Variants in RHOBTB2 observed in about 807,000 individuals in gnomAD.
RHOBTB2 encodes Rho related BTB domain containing 2, also known as rho-related BTB domain-containing protein 2.
RHOBTB2 carries 39 observed loss-of-function variants against 66.5 expected under a neutral mutation model. The observed-to-expected ratio is 0.59, with a 90% confidence interval of 0.45 to 0.77. RHOBTB2 has a LOEUF of 0.77. Among genes scored for constraint, RHOBTB2 ranks in the 30% least tolerant of loss-of-function variants. RHOBTB2 has a pLI of 0.00. For missense variants in RHOBTB2, 755 were observed against 999.1 expected, an observed-to-expected ratio of 0.76 and a Z score of 3.29; for synonymous variants, 390 against 395.0, an observed-to-expected ratio of 0.99 and a Z score of 0.15.
At chr8:23,014,633 C>T (rs2128807715) in intron 7 of RHOBTB2, 57 bp from the exon 8 acceptor site, 1 of 1,478,242 alleles carries the variant, frequency 6.8e-7, no homozygotes, top group East Asian at 2.3e-5. Flanking sequence ...TGTGGTGGGG[C>T]AGGGTGAGCA....
At chr8:23,015,776 C>G in intron 9 of RHOBTB2, 33 bp downstream of exon 9, 1 of 1,440,860 alleles carries the variant, frequency 6.9e-7, no homozygotes, top group Non-Finnish European at 9.7e-7. Flanking sequence ...GCAGTACCTG[C>G]TGCCCTCCCC....
At chr8:22,987,013 G>A (rs1810300683), upstream of RHOBTB2, among the ~76,000 whole-genome samples, 1 of 152,226 alleles carries the variant, frequency 6.6e-6, no homozygotes, top group Non-Finnish European at 1.5e-5. Flanking sequence ...CACCTTCCAT[G>A]GCCTCTAGCT....
At chr8:22,971,983 C>G in the RHOBTB2 span, among the ~76,000 whole-genome samples, 1 of 152,152 alleles carries the variant, frequency 6.6e-6, no homozygotes, top group Non-Finnish European at 1.5e-5. Context: ...TGTCTCAGGC[C>G]CCTTGCACTT....
intron 1 of RHOBTB2, 118 bp downstream of exon 1, chr8:23,000,223 C>A: frequency 3.0e-6 from 2 of 665,560 alleles, no homozygotes; most frequent in Non-Finnish European, 1.9e-6. Context: ...CCGCTAGTCC[C>A]TGGGCTCTGG....
At chr8:23,002,498 C>T (rs1810813191) in intron 1 of RHOBTB2, among the ~76,000 whole-genome samples, 1 of 152,162 alleles carries the variant, frequency 6.6e-6, no homozygotes, top group African/African-American at 2.4e-5. Context: ...TTAAGACCAG[C>T]CTGACCAACA....
At chr8:22,996,185 A>AG (rs2128798944), upstream of RHOBTB2, among the ~76,000 whole-genome samples, 1 of 152,040 alleles carries the variant, frequency 6.6e-6, no homozygotes, top group Non-Finnish European at 1.5e-5. Context: ...GGAGGCATAG[A>AG]GGGGGTGCCT....
rs767914358 is a variant in RHOBTB2, at chr8:23,019,269, G to C, written c.*1800G>C. Reference sequence around the variant, plus strand: ...CAGAGGTTAAATCCTCATCAAGAGAGACCAGGCGGCTGGAGGACAAGCGGC... The same window carrying C: ...CAGAGGTTAAATCCTCATCAAGAGACACCAGGCGGCTGGAGGACAAGCGGC... On this transcript the variant is annotated 3_prime_UTR_variant, in exon 10 of 10. Coordinates refer to ENST00000251822, the MANE Select transcript of RHOBTB2 (RefSeq NM_015178.3). 1 of 152,636 alleles carries C rather than the reference G, an allele frequency of 6.6e-6. No individual in the cohort carries two copies. The highest frequency in any genetic ancestry group is 1.5e-5 in the Non-Finnish European group (1 of 68,354). 9.5% of individuals were successfully genotyped at this position (152,636 alleles called of 1,614,324 possible).
chr8:23,012,306 C>T (rs1040754463), intron 7 of RHOBTB2, among the ~76,000 whole-genome samples: 14 of 152,222 alleles, frequency 9.2e-5, no homozygotes, highest in African/African-American at 3.1e-4. Flanking sequence ...GAAGCACACA[C>T]AGGCAGTTTT....
chr8:23,017,195 A>G lies in RHOBTB2; in HGVS notation c.1967-57A>G. The G allele has an allele frequency of 6.2e-7, 1 of 1,600,008 alleles. No individual in the cohort carries two copies. Among genetic ancestry groups the G allele is most frequent in the Non-Finnish European group, 8.5e-7 (1 of 1,172,130 alleles). ...TGTGGTGGGGTAGGGCTGGTGTCCC[A>G]CGTTCCTCTTGTCCCTCTGCCTCCT... On this transcript the variant is annotated intron_variant, in intron 9 of 9. Coordinates refer to ENST00000251822, the MANE Select transcript of RHOBTB2 (RefSeq NM_015178.3). The surrounding 1 kb of genome is among the most constrained non-coding windows in gnomAD (Gnocchi z 5.3).
intron 7 of RHOBTB2, 68 bp downstream of exon 7, chr8:23,010,756 C>T: frequency 2.0e-6 from 3 of 1,535,186 alleles, no homozygotes; most frequent in Admixed American, 1.7e-5. Flanking sequence ...GTGCAATGTT[C>T]TCCTCTCACG....
chr8:22,996,640 C>T (rs75966518), upstream of RHOBTB2, among the ~76,000 whole-genome samples: 861 of 149,944 alleles, frequency 5.7e-3, 19 homozygotes, highest in African/African-American at 0.021. Flanking sequence ...TGTCTCCCAC[C>T]CAGGCCTGCC....
rs114883013 is a variant in RHOBTB2 at position 23,007,244 on chromosome 8, C to T, written c.999C>T (p.His333=). 1,496 of 1,611,340 alleles carry T rather than the reference C, an allele frequency of 9.3e-4. 17 individuals are homozygous for T. The African/African-American group carries it at 0.018, about 19-fold the overall frequency. The change falls in exon 5 of 10, where the codon CAC becomes CAT. Residue 333 remains histidine (H), a synonymous_variant. Transcript: ENST00000251822. ...SDQHHHHHHH[H]HGRDFLLRAA... The stretch of plus-strand genomic sequence containing the variant: ...AACACCACCACCATCACCACCACCA[C>T]CATGGGCGAGACTTCCTGCTCCGAG...
chr8:22,997,060 T>A (rs1322608843), upstream of RHOBTB2, among the ~76,000 whole-genome samples: 1 of 152,070 alleles, frequency 6.6e-6, no homozygotes, highest in South Asian at 2.1e-4. Flanking sequence ...CTGCCCCTCA[T>A]ACAGCGTGGG....
At chr8:23,015,568 G>A in intron 8 of RHOBTB2, 70 bp from the exon 9 acceptor site, 1 of 1,077,042 alleles carries the variant, frequency 9.3e-7, no homozygotes. Context: ...TCTGAAGGCA[G>A]CTGGAGGTGT....
At chr8:22,957,276 G>A in the RHOBTB2 span, among the ~76,000 whole-genome samples, 7 of 152,056 alleles carry the variant, frequency 4.6e-5, no homozygotes, top group African/African-American at 1.7e-4. Context: ...GGTTAAGGTG[G>A]TGTCTTCCAG....
upstream of RHOBTB2, among the ~76,000 whole-genome samples, chr8:22,994,893 G>T (rs573292717): frequency 6.6e-6 from 1 of 152,130 alleles, no homozygotes; most frequent in Non-Finnish European, 1.5e-5. Context: ...AGCCTCCCGA[G>T]TAGCTGGGAT....
the RHOBTB2 span, among the ~76,000 whole-genome samples, chr8:22,955,313 C>T: frequency 1.3e-5 from 2 of 152,126 alleles, no homozygotes; most frequent in African/African-American, 4.8e-5. Flanking sequence ...ACTGCAGTAG[C>T]CCCTGCACCG....
the RHOBTB2 span, among the ~76,000 whole-genome samples, chr8:22,975,450 G>A: frequency 6.6e-6 from 1 of 152,330 alleles, no homozygotes; most frequent in Admixed American, 6.5e-5. Context: ...GTGGAGAGGT[G>A]AGGCCCTTGG....
In RHOBTB2 at chr8:23,018,385, G is replaced by A. The variant is rs58805101; in HGVS notation, c.*916G>A. 2,094 of 152,590 alleles carry A rather than the reference G, an allele frequency of 0.014. 39 individuals carry two copies. Among genetic ancestry groups the A allele is most frequent in the African/African-American group, 0.047 (1,962 of 41,538 alleles). 9.5% of individuals were successfully genotyped at this position (152,590 alleles called of 1,614,324 possible). A position where few individuals can be genotyped will look rare whatever the true frequency, so the allele number is the denominator to read the frequency against. On this transcript the variant is annotated 3_prime_UTR_variant, in exon 10 of 10. Coordinates refer to ENST00000251822, the MANE Select transcript of RHOBTB2 (RefSeq NM_015178.3). ...ATGACAACCAAACTGAAACCGAAAC[G>A]AAAAATCAACAAACACTCTGTCCTC...
Sources: allele counts gnomAD v4.1 joint callset (sites outside exome capture counted in the v4.1 genomes callset), GRCh38; gene constraint gnomAD v4.1.1; non-coding constraint Gnocchi (gnomAD v3.1); transcripts MANE v1.5; gene names NCBI Gene and HGNC (gene_info 2026-07-23, HGNC 2026-07-21).